Variants in TRIM10 observed in about 807,000 individuals in gnomAD.
TRIM10 encodes the protein tripartite motif-containing protein 10.
Under a neutral mutation model 40.0 loss-of-function variants are expected in TRIM10, and 42 were observed. The ratio of observed to expected loss-of-function variants is 1.05; its 90% CI spans 0.82 to 1.36. The LOEUF is 1.36. Among genes scored for constraint, TRIM10 ranks in the 40% most tolerant of loss-of-function variants. The pLI, the probability that TRIM10 is intolerant of heterozygous loss-of-function variation, is 0.00. For missense variants in TRIM10, 601 were observed against 608.3 expected (o/e 0.99, Z 0.13); for synonymous variants, 260 against 239.5 (o/e 1.09, Z -0.79).
chr6:30,153,987 A>T lies in TRIM10; in HGVS notation c.1428T>A (p.Ser476Arg), dbSNP rs1009565700. Residue 476 changes from serine to arginine, a missense_variant, in exon 7 of 7, where the codon AGT becomes AGA. By Grantham distance (110) the Ser-to-Arg change is moderately radical. Coordinates refer to ENST00000449742, the MANE Select transcript of TRIM10 (RefSeq NM_006778.4). ...PFFGLWGRGS[S>R]FSLSS The stretch of plus-strand genomic sequence containing the variant: ...CTCCTTCTCAGGAGCTCAGGGAGAA[A>T]CTGGACCCTCGGCCCCAGAGCCCAA... 6.2e-7 allele frequency: 1 copy of T among 1,603,302 alleles called. No individual in the cohort carries two copies. Among genetic ancestry groups the T allele is most frequent in the African/African-American group, 1.3e-5 (1 of 74,726 alleles).
Position 30,160,563 on chromosome 6 carries a change from C to A in TRIM10, c.296G>T (p.Cys99Phe). The A allele has an allele frequency of 6.2e-7, 1 of 1,614,232 alleles. No homozygotes were observed. Among genetic ancestry groups the A allele is most frequent in the Non-Finnish European group, 8.5e-7 (1 of 1,180,042 alleles). Residue 99 changes from cysteine to phenylalanine, a missense_variant, in exon 1 of 7, where the codon TGC becomes TTC. Coordinates refer to ENST00000449742, the MANE Select transcript of TRIM10 (RefSeq NM_006778.4). ...STLGLGEEDV[C>F]QEHGEKIYFF... ...GTAGATCTTCTCTCCGTGCTCTTGG[C>A]AGACATCCTCCTCTCCCAAACCCAG...
intron 1 of TRIM10, 113 bp downstream of exon 1, chr6:30,160,317 T>C: frequency 8.5e-7 from 1 of 1,176,680 alleles, no homozygotes; most frequent in South Asian, 1.6e-5. Flanking sequence ...TGGGTGATCA[T>C]GTAAGTAAGG....
chr6:30,160,370 C>G (rs922831808), intron 1 of TRIM10, 60 bp downstream of exon 1: 10 of 1,549,892 alleles, frequency 6.5e-6, no homozygotes, highest in Non-Finnish European at 8.7e-6. Context: ...ATCCACAACT[C>G]TGCTGTTTCT....
chr6:30,157,357 T>C lies in TRIM10; in HGVS notation c.779+12A>G, dbSNP rs557288658. ...ATATGGAAAAAGAAAAGAGAGAAAC[T>C]ATATTGCTTACCTTATTAGAGTGCT... On this transcript the variant is annotated intron_variant, in intron 4 of 6. Coordinates refer to ENST00000449742, the MANE Select transcript of TRIM10 (RefSeq NM_006778.4). 6.3e-7 allele frequency: 1 copy of C among 1,594,824 alleles called. No homozygotes were observed. Among genetic ancestry groups the C allele is most frequent in the Non-Finnish European group, 8.5e-7 (1 of 1,173,210 alleles).
intron 5 of TRIM10, 93 bp from the exon 6 acceptor site, chr6:30,155,852 G>C: frequency 8.2e-7 from 1 of 1,213,852 alleles, no homozygotes; most frequent in Non-Finnish European, 1.2e-6. Flanking sequence ...GAAGAGGGAA[G>C]GGACAAGAAG....
chr6:30,155,166 A>G lies in TRIM10; in HGVS notation c.928+561T>C, dbSNP rs75292286. On this transcript the variant is annotated intron_variant, in intron 6 of 6. Coordinates refer to ENST00000449742, the MANE Select transcript of TRIM10 (RefSeq NM_006778.4). ...GTGGGTTAGAGAACCCCCTCCAACA[A>G]CTCCGTGACTCCCAGGGTCTTAGGC... 2.1e-4 allele frequency among the ~76,000 whole-genome samples: 32 copies of G among 151,736 alleles called. No homozygotes were observed. In the East Asian group the frequency reaches 5.6e-3, roughly 27 times the overall value.
In TRIM10 at chr6:30,154,313, C is replaced by T. The variant is rs1772309838; in HGVS notation, c.1102G>A (p.Val368Met). Reference sequence around the variant, plus strand: ...CCATGGGCCAGGTCTATACTCACCACCCACGTGTGTCTCCCCCCTGTGATG... The same window carrying T: ...CCATGGGCCAGGTCTATACTCACCATCCACGTGTGTCTCCCCCCTGTGATG... ...TGITGGRHTW[V>M]VSIDLAHGGS... Residue 368 changes from valine (V) to methionine (M), a missense_variant, in exon 7 of 7, where the codon GTG becomes ATG. Transcript: ENST00000449742. 5 of 1,612,992 alleles carry T rather than the reference C, an allele frequency of 3.1e-6. No homozygotes were observed. Among genetic ancestry groups the T allele is most frequent in the Admixed American group, 3.3e-5 (2 of 60,016 alleles).
intron 3 of TRIM10, 85 bp from the exon 4 acceptor site, chr6:30,157,476 T>C: frequency 7.3e-7 from 1 of 1,367,906 alleles, no homozygotes; most frequent in South Asian, 1.3e-5. Flanking sequence ...TTATTTTATT[T>C]ATTTTTTATT....
chr6:30,152,784 C>T lies in TRIM10; in HGVS notation c.*1185G>A, dbSNP rs746292467. The T allele has an allele frequency of 3.3e-5, 5 of 152,198 alleles. No individual in the cohort carries two copies. In the South Asian group the frequency reaches 6.2e-4, roughly 19 times the overall value. The allele number at this position is 152,198 out of a possible 1,614,324, so 9.4% of individuals were successfully genotyped here. On this transcript the variant is annotated 3_prime_UTR_variant, in exon 7 of 7. Coordinates refer to ENST00000449742, the MANE Select transcript of TRIM10 (RefSeq NM_006778.4). Reference sequence around the variant, plus strand: ...AGAACAAGAAAATAAAACATGGTCACTCTTCCATCCCATTTCTCAGATGTC... The same window carrying T: ...AGAACAAGAAAATAAAACATGGTCATTCTTCCATCCCATTTCTCAGATGTC...
In TRIM10 at chr6:30,152,447, T is replaced by C. The variant is rs1772100860; in HGVS notation, c.*1522A>G. On this transcript the variant is annotated 3_prime_UTR_variant, in exon 7 of 7. Coordinates refer to ENST00000449742, the MANE Select transcript of TRIM10 (RefSeq NM_006778.4). ...TCTGTATTTTTTTGAATATACAACATTTTAATGAGATACTGCACACTCCCA... is the reference window on the plus strand; with the variant it reads ...TCTGTATTTTTTTGAATATACAACACTTTAATGAGATACTGCACACTCCCA... The C allele has an allele frequency of 6.6e-6, 1 of 152,240 alleles. No homozygotes were observed. Among genetic ancestry groups the C allele is most frequent in the South Asian group, 2.1e-4 (1 of 4,834 alleles). 9.4% of individuals were successfully genotyped at this position (152,240 alleles called of 1,614,324 possible). A position where few individuals can be genotyped will look rare whatever the true frequency, so the allele number is the denominator to read the frequency against.
At position 30,153,714 on chromosome 6, in the gene TRIM10, C is replaced by T. The variant is rs774588443; in HGVS notation, c.*255G>A. The T allele has an allele frequency of 8.1e-6, 13 of 1,612,836 alleles. No homozygotes were observed. The highest frequency in any genetic ancestry group is 1.6e-4 in the Middle Eastern group (1 of 6,084). On this transcript the variant is annotated 3_prime_UTR_variant, in exon 7 of 7. Transcript: ENST00000449742. Reference sequence around the variant, plus strand: ...TATGCAGCTACTTCTGTGCCAAGCACGGATGGTGGTGAGCAGAACTGGCAG... The same window carrying T: ...TATGCAGCTACTTCTGTGCCAAGCATGGATGGTGGTGAGCAGAACTGGCAG...
intron 4 of TRIM10, 57 bp from the exon 5 acceptor site, chr6:30,157,111 A>T: frequency 6.5e-7 from 1 of 1,532,144 alleles, no homozygotes; most frequent in South Asian, 1.1e-5. Flanking sequence ...ATGTCTCCAG[A>T]CTCAGCTGGT....
Position 30,154,214 on chromosome 6 carries a change from C to T in TRIM10, c.1201G>A (p.Gly401Arg), listed in dbSNP as rs773135341. The change falls in exon 7 of 7, where the codon GGG becomes AGG. Residue 401 changes from glycine to arginine, a missense_variant. Transcript: ENST00000449742. Reference sequence around the variant, plus strand: ...CAAGCCAGCCTCACAGCCCACACCCCCTCCTCTGGCCGCAGCCGAAGCTCC... The same window carrying T: ...CAAGCCAGCCTCACAGCCCACACCCTCTCCTCTGGCCGCAGCCGAAGCTCC... ...KGELRLRPEE[G>R]VWAVRLAWGF... 2.5e-6 allele frequency: 4 copies of T among 1,612,646 alleles called. No individual in the cohort carries two copies. Among genetic ancestry groups the T allele is most frequent in the Admixed American group, 1.7e-5 (1 of 59,990 alleles).
chr6:30,159,042 T>C (rs909048022), intron 2 of TRIM10, 108 bp downstream of exon 2: 2 of 728,578 alleles, frequency 2.7e-6, no homozygotes, highest in South Asian at 3.5e-5. Flanking sequence ...AGAGTCAGGA[T>C]TTAAACTCAT....
chr6:30,163,895 G>GC (rs1773374604), upstream of TRIM10: 1 of 1,612,960 alleles, frequency 6.2e-7, no homozygotes, highest in South Asian at 1.1e-5. Flanking sequence ...GACTCCCATG[G>GC]CCCCTGTGCC....
rs1772995629 is a variant in TRIM10 at position 30,160,620 on chromosome 6, TCCA to T, written c.236_238del (p.Val79del). ...CACCAGCTGGAGGCGCTCAATGTTC[TCCA>T]CCACGTTAGCCAGCTGCCAGTTGGG... is the stretch of plus-strand genomic sequence containing the variant. On this transcript the variant is annotated inframe_deletion, in exon 1 of 7. Coordinates refer to ENST00000449742, the MANE Select transcript of TRIM10 (RefSeq NM_006778.4). 1 of 1,614,192 alleles carries T rather than the reference TCCA, an allele frequency of 6.2e-7. No homozygotes were observed.
At chr6:30,163,021 A>G (rs941046836), upstream of TRIM10, among the ~76,000 whole-genome samples, 2 of 152,236 alleles carry the variant, frequency 1.3e-5, no homozygotes, top group Admixed American at 1.3e-4. Context: ...CTGTTGTGCC[A>G]GGTGGTGGGG....
At position 30,153,880 on chromosome 6, in the gene TRIM10, T is replaced by C. The variant is rs1005697808; in HGVS notation, c.*89A>G. On this transcript the variant is annotated 3_prime_UTR_variant, in exon 7 of 7. Transcript: ENST00000449742. ...AAGCAGTCATTTCTATTCCAAGTCA[T>C]CCAGGTGATTCAGCCAGGGATCAAG... The C allele has an allele frequency of 5.0e-6, 8 of 1,590,858 alleles. No homozygotes were observed. The African/African-American group carries it at 9.4e-5, about 19-fold the overall frequency.
At chr6:30,162,119 C>CA (rs1773150403), upstream of TRIM10, among the ~76,000 whole-genome samples, 1 of 151,570 alleles carries the variant, frequency 6.6e-6, no homozygotes, top group Non-Finnish European at 1.5e-5. Context: ...ACTAAAAATA[C>CA]AAAAAAATTA....
Sources: allele counts gnomAD v4.1 joint callset (sites outside exome capture counted in the v4.1 genomes callset), GRCh38; gene constraint gnomAD v4.1.1; transcripts MANE v1.5; gene names NCBI Gene and HGNC (gene_info 2026-07-23, HGNC 2026-07-21).